GDF2: variants seen among roughly 807,000 people sequenced by gnomAD.
The protein encoded by GDF2 is growth/differentiation factor 2.
A neutral mutation model predicts 16.9 loss-of-function variants in GDF2; 17 were observed. That is an observed-to-expected ratio of 1.00 (90% confidence interval 0.69 to 1.51). The LOEUF is 1.51. GDF2 is among the 40% of genes most tolerant of loss of function. GDF2 has a pLI of 0.00. For missense variants in GDF2, 523 were observed against 556.3 expected (o/e 0.94, Z 0.60); for synonymous variants, 276 against 237.6 (o/e 1.16, Z -1.49).
Position 47,325,200 on chromosome 10 carries a change from G to A in GDF2, c.706G>A (p.Gly236Ser), listed in dbSNP as rs200288011. 1.2e-6 allele frequency: 2 copies of A among 1,614,000 alleles called. No individual in the cohort carries two copies. The highest frequency in any genetic ancestry group is 1.7e-6 in the Non-Finnish European group (2 of 1,180,034). Residue 236 changes from glycine to serine, a missense_variant, in exon 2 of 2, where the codon GGC becomes AGC. Physicochemically the swap from Gly to Ser is moderately conservative, Grantham distance 56 (BLOSUM62 0). Coordinates refer to ENST00000581492, the MANE Select transcript of GDF2 (RefSeq NM_016204.4). ...AGTGACTGTGGAGAGCCACAGGAAG[G>A]GCTGCGACACGCTGGACATCAGTGT... is the stretch of plus-strand genomic sequence containing the variant. ...LEVTVESHRK[G>S]CDTLDISVPP...
chr10:47,327,547 C>T lies in GDF2; in HGVS notation c.*1763C>T, dbSNP rs1336799809. Among the ~76,000 whole-genome samples the T allele has an allele frequency of 6.6e-6, 1 of 152,178 alleles. No homozygotes were observed. Among genetic ancestry groups the T allele is most frequent in the Non-Finnish European group, 1.5e-5 (1 of 68,028 alleles). The stretch of plus-strand genomic sequence containing the variant: ...TCAGTCCTGGTGGTGTGCTTCTGTG[C>T]CTGCTTGAAAATTTCACTCGGAAAT... On this transcript the variant is annotated 3_prime_UTR_variant, in exon 2 of 2. Coordinates refer to ENST00000581492, the MANE Select transcript of GDF2 (RefSeq NM_016204.4).
rs1280004717 is a variant in GDF2 at position 47,326,962 on chromosome 10, C to G, written c.*1178C>G. ...TCCTTGGTGACATGTCCTTAAGTGA[C>G]AAGACTCCAGCCTTCCTGGGCGAGG... On this transcript the variant is annotated 3_prime_UTR_variant, in exon 2 of 2. Transcript: ENST00000581492. Among the ~76,000 whole-genome samples, 1 of 152,228 alleles carries G rather than the reference C, an allele frequency of 6.6e-6. No homozygotes were observed. Among genetic ancestry groups the G allele is most frequent in the African/African-American group, 2.4e-5 (1 of 41,454 alleles).
Position 47,327,227 on chromosome 10 carries a change from G to A in GDF2, c.*1443G>A, listed in dbSNP as rs1306144049. On this transcript the variant is annotated 3_prime_UTR_variant, in exon 2 of 2. Transcript: ENST00000581492. ...GCGGTATGAGGAAGAGTCTGAAAGT[G>A]GTGAAGAGTGCACCTATGGCCCTCT... 6.6e-6 allele frequency among the ~76,000 whole-genome samples: 1 copy of A among 152,190 alleles called. No individual in the cohort carries two copies. The highest frequency in any genetic ancestry group is 1.5e-5 in the Non-Finnish European group (1 of 68,034).
Position 47,322,780 on chromosome 10 carries a change from C to A in GDF2, c.112C>A (p.His38Asn). 4 of 1,613,210 alleles carry A rather than the reference C, an allele frequency of 2.5e-6. No homozygotes were observed. The highest frequency in any genetic ancestry group is 1.3e-5 in the African/African-American group (1 of 75,018). ...WGRGSAGGNA[H>N]SPLGVPGGGL... ...ACGAGGGTCTGCTGGGGGAAACGCC[C>A]ACAGCCCACTGGGGGTGCCTGGAGG... Residue 38 changes from histidine to asparagine, a missense_variant, in exon 1 of 2, where the codon CAC becomes AAC. Coordinates refer to ENST00000581492, the MANE Select transcript of GDF2 (RefSeq NM_016204.4).
chr10:47,326,168 A>C lies in GDF2; in HGVS notation c.*384A>C. 2 of 179,354 alleles carry C rather than the reference A, an allele frequency of 1.1e-5. No individual in the cohort carries two copies. Among genetic ancestry groups the C allele is most frequent in the Non-Finnish European group, 1.2e-5 (1 of 85,404 alleles). The allele number at this position is 179,354 out of a possible 1,614,324, so 11.1% of individuals were successfully genotyped here. ...GTGGAGGAGGCCAGCTCGCTCCAAA[A>C]CCCTTGGGGAGTAGAGGGAAGGAGC... On this transcript the variant is annotated 3_prime_UTR_variant, in exon 2 of 2. Coordinates refer to ENST00000581492, the MANE Select transcript of GDF2 (RefSeq NM_016204.4).
chr10:47,323,561 A>G (rs1300833958), intron 1 of GDF2, among the ~76,000 whole-genome samples: 2 of 152,256 alleles, frequency 1.3e-5, no homozygotes, highest in Non-Finnish European at 1.5e-5. Flanking sequence ...TCTTGGACAG[A>G]GAAGTGTTGG....
In GDF2 at chr10:47,325,041, G is replaced by A; in HGVS notation, c.547G>A (p.Asp183Asn). ...YDVLDGTDAW[D>N]SATETKTFLV... is the part of the protein sequence containing the mutation. The stretch of plus-strand genomic sequence containing the variant: ...TGTTCTGGATGGAACAGATGCCTGG[G>A]ATAGTGCTACAGAGACCAAGACCTT... Residue 183 changes from aspartate (D) to asparagine (N), a missense_variant, in exon 2 of 2, where the codon GAT becomes AAT. Transcript: ENST00000581492. The A allele has an allele frequency of 6.2e-7, 1 of 1,614,136 alleles. No individual in the cohort carries two copies. Among genetic ancestry groups the A allele is most frequent in the Non-Finnish European group, 8.5e-7 (1 of 1,180,032 alleles).
chr10:47,325,361 G>C lies in GDF2; in HGVS notation c.867G>C (p.Lys289Asn). The C allele has an allele frequency of 6.2e-7, 1 of 1,614,174 alleles. No individual in the cohort carries two copies. ...AGAGCGTGCTCAAGAAGCTGTCCAA[G>C]GACGGCTCCACAGAGGCAGGTGAGA... Reference protein sequence around the residue: ...EQESVLKKLSKDGSTEAGESS... With the variant: ...EQESVLKKLSNDGSTEAGESS... The change falls in exon 2 of 2, where the codon AAG becomes AAC. Residue 289 changes from lysine (K) to asparagine (N), a missense_variant. Physicochemically the swap from Lys to Asn is moderately conservative, Grantham distance 94 (BLOSUM62 0). Coordinates refer to ENST00000581492, the MANE Select transcript of GDF2 (RefSeq NM_016204.4).
intron 1 of GDF2, among the ~76,000 whole-genome samples, chr10:47,323,245 C>T (rs2061091604): frequency 6.6e-6 from 1 of 152,234 alleles, no homozygotes; most frequent in South Asian, 2.1e-4. Context: ...TCCATGGTTA[C>T]TGAGAGTTCT....
In GDF2 at chr10:47,322,800, T is replaced by C. The variant is rs140680557; in HGVS notation, c.132T>C (p.Pro44=). ...ACGCCCACAGCCCACTGGGGGTGCC[T>C]GGAGGTGGGCTGCCTGAGCACACCT... The part of the protein sequence containing the change: ...GGNAHSPLGV[P]GGGLPEHTFN... The change falls in exon 1 of 2, where the codon CCT becomes CCC. Residue 44 remains proline (P), a synonymous_variant. Transcript: ENST00000581492. 10 of 1,613,702 alleles carry C rather than the reference T, an allele frequency of 6.2e-6. No individual in the cohort carries two copies. The highest frequency in any genetic ancestry group is 8.5e-6 in the Non-Finnish European group (10 of 1,179,866).
At position 47,325,169 on chromosome 10, in the gene GDF2, G is replaced by A. The variant is rs781967111; in HGVS notation, c.675G>A (p.Lys225=). 13 of 1,613,894 alleles carry A rather than the reference G, an allele frequency of 8.1e-6. No homozygotes were observed. The Admixed American group carries it at 1.8e-4, about 23-fold the overall frequency. ...CCGACTCCACCAAGAGCAAAAATAAGCTGGAAGTGACTGTGGAGAGCCACA... is the reference window on the plus strand; with the variant it reads ...CCGACTCCACCAAGAGCAAAAATAAACTGGAAGTGACTGTGGAGAGCCACA... ...VRSDSTKSKN[K]LEVTVESHRK... Residue 225 remains lysine, a synonymous_variant, in exon 2 of 2, where the codon AAG becomes AAA. Coordinates refer to ENST00000581492, the MANE Select transcript of GDF2 (RefSeq NM_016204.4).
Position 47,327,447 on chromosome 10 carries a change from A to T in GDF2, c.*1663A>T, listed in dbSNP as rs907319943. ...TTGTTTAATTACTGGCGTTATAGAA[A>T]ATATGAATTCCTGCTACATGCCGGG... On this transcript the variant is annotated 3_prime_UTR_variant, in exon 2 of 2. Coordinates refer to ENST00000581492, the MANE Select transcript of GDF2 (RefSeq NM_016204.4). Among the ~76,000 whole-genome samples, 20 of 152,348 alleles carry T rather than the reference A, an allele frequency of 1.3e-4. No individual in the cohort carries two copies. Among genetic ancestry groups the T allele is most frequent in the African/African-American group, 4.8e-4 (20 of 41,572 alleles).
At position 47,325,435 on chromosome 10, in the gene GDF2, T is replaced by C. The variant is rs1555209043; in HGVS notation, c.941T>C (p.Leu314Ser). The C allele has an allele frequency of 6.2e-7, 1 of 1,613,748 alleles. No individual in the cohort carries two copies. Among genetic ancestry groups the C allele is most frequent in the Non-Finnish European group, 8.5e-7 (1 of 1,180,040 alleles). The change falls in exon 2 of 2, where the codon TTA (leucine) becomes TCA (serine). Residue 314 changes from leucine to serine, a missense_variant. Coordinates refer to ENST00000581492, the MANE Select transcript of GDF2 (RefSeq NM_016204.4). Reference protein sequence around the residue: ...TDGHVAAGSTLARRKRSAGAG... With the variant: ...TDGHVAAGSTSARRKRSAGAG... ...GGCCACGTGGCTGCGGGGTCGACTTTAGCCAGGCGGAAAAGGAGCGCCGGG... is the reference window on the plus strand; with the variant it reads ...GGCCACGTGGCTGCGGGGTCGACTTCAGCCAGGCGGAAAAGGAGCGCCGGG...
chr10:47,325,925 C>T lies in GDF2; in HGVS notation c.*141C>T, dbSNP rs2061105411. On this transcript the variant is annotated 3_prime_UTR_variant, in exon 2 of 2. Transcript: ENST00000581492. The stretch of plus-strand genomic sequence containing the variant: ...GGAGCCTGCTCTCCCTCCCCACACC[C>T]CACCCAAAGCATACACCGCTGAGCT... 1.6e-6 allele frequency: 1 copy of T among 615,508 alleles called. No homozygotes were observed. Among genetic ancestry groups the T allele is most frequent in the African/African-American group, 1.8e-5 (1 of 54,424 alleles). The allele number at this position is 615,508 out of a possible 1,614,324, so 38.1% of individuals were successfully genotyped here. A position where few individuals can be genotyped will look rare whatever the true frequency, so the allele number is the denominator to read the frequency against.
At position 47,326,580 on chromosome 10, in the gene GDF2, A is replaced by G. The variant is rs2061108189; in HGVS notation, c.*796A>G. Among the ~76,000 whole-genome samples, 1 of 152,230 alleles carries G rather than the reference A, an allele frequency of 6.6e-6. No individual in the cohort carries two copies. Among genetic ancestry groups the G allele is most frequent in the Non-Finnish European group, 1.5e-5 (1 of 68,036 alleles). ...AGGCACTGAAAAATAACCCCAGGCC[A>G]ACTGCAGGATAGAGAGAGAGGTCAG... On this transcript the variant is annotated 3_prime_UTR_variant, in exon 2 of 2. Coordinates refer to ENST00000581492, the MANE Select transcript of GDF2 (RefSeq NM_016204.4).
intron 1 of GDF2, among the ~76,000 whole-genome samples, chr10:47,323,669 G>A (rs1416518134): frequency 6.6e-6 from 1 of 152,210 alleles, no homozygotes; most frequent in Non-Finnish European, 1.5e-5. Context: ...ACTCAGACAA[G>A]CTCACATGAT....
intron 1 of GDF2, among the ~76,000 whole-genome samples, chr10:47,323,479 C>G (rs2061092341): frequency 6.6e-6 from 1 of 152,190 alleles, no homozygotes; most frequent in Non-Finnish European, 1.5e-5. Flanking sequence ...CTCCAACTAA[C>G]TGGGATATTT....
At position 47,325,797 on chromosome 10, in the gene GDF2, G is replaced by A. The variant is rs750339282; in HGVS notation, c.*13G>A. On this transcript the variant is annotated 3_prime_UTR_variant, in exon 2 of 2. Coordinates refer to ENST00000581492, the MANE Select transcript of GDF2 (RefSeq NM_016204.4). ...TGGGTGCAGGTAGTATCTGCCTGCG[G>A]GGCTGGGGAGGCAGGCCAAAGGGGC... is the stretch of plus-strand genomic sequence containing the variant. 1.3e-6 allele frequency: 2 copies of A among 1,507,876 alleles called. No individual in the cohort carries two copies. The highest frequency in any genetic ancestry group is 1.8e-6 in the Non-Finnish European group (2 of 1,125,016). The allele number at this position is 1,507,876 out of a possible 1,614,324, so 93.4% of individuals were successfully genotyped here. A position where few individuals can be genotyped will look rare whatever the true frequency, so the allele number is the denominator to read the frequency against.
chr10:47,323,747 C>A (rs1353501464), intron 1 of GDF2, among the ~76,000 whole-genome samples: 2 of 152,224 alleles, frequency 1.3e-5, no homozygotes, highest in African/African-American at 4.8e-5. Flanking sequence ...AGGGTACCCA[C>A]CCATGTCACC....
Sources: gnomAD v4.1 joint callset for allele counts (sites outside exome capture counted in the v4.1 genomes callset) on GRCh38, gnomAD v4.1.1 for gene constraint, MANE v1.5 for transcripts, NCBI Gene and HGNC (gene_info 2026-07-23, HGNC 2026-07-21) for gene names.